The following C1orf116 variants were observed in gnomAD, a reference collection of about 807,000 sequenced individuals.
C1orf116 encodes the protein chromosome 1 open reading frame 116.
C1orf116 carries 12 observed loss-of-function variants against 14.1 expected under a neutral mutation model. That is an observed-to-expected ratio of 0.85 (90% CI 0.54 to 1.38). C1orf116 has a LOEUF of 1.38. Ranked by LOEUF, C1orf116 falls within the 40% of genes most tolerant of loss-of-function variation. C1orf116 has a pLI of 0.00. For synonymous variants in C1orf116, 296 were observed against 299.0 expected (o/e 0.99, Z 0.10); for missense variants, 797 against 747.0 (o/e 1.07, Z -0.78).
At chr1:207,031,201 T>G (rs2842728) in intron 1 of C1orf116, among the ~76,000 whole-genome samples, 1 of 152,116 alleles carries the variant, frequency 6.6e-6, no homozygotes, top group Non-Finnish European at 1.5e-5. Flanking sequence ...AATAGCAGAA[T>G]GACTAAAACT....
In C1orf116 at chr1:207,022,496, C is replaced by G; in HGVS notation, c.1268G>C (p.Gly423Ala). 1 of 1,614,126 alleles carries G rather than the reference C, an allele frequency of 6.2e-7. No homozygotes were observed. Among genetic ancestry groups the G allele is most frequent in the Non-Finnish European group, 8.5e-7 (1 of 1,180,006 alleles). ...AGCTGGAGACTTCATTGGCAAAGGT[C>G]CCTGAGCTGGACCTGGAGCTGGAGC... ...APAPAPGPAQGPLPMKSPAPG... is the reference protein window; with the variant it reads ...APAPAPGPAQAPLPMKSPAPG... The change falls in exon 4 of 4, where the codon GGA becomes GCA. Residue 423 changes from glycine (G) to alanine (A), a missense_variant. Coordinates refer to ENST00000359470, the MANE Select transcript of C1orf116 (RefSeq NM_023938.6).
In C1orf116 at chr1:207,022,900, G is replaced by A. The variant is rs1355588746; in HGVS notation, c.864C>T (p.Ser288=). 1.9e-6 allele frequency: 3 copies of A among 1,614,056 alleles called. No individual in the cohort carries two copies. Among genetic ancestry groups the A allele is most frequent in the South Asian group, 1.1e-5 (1 of 91,062 alleles). ...TAGGGGTTGTGAGGGGAGCTAGTCG[G>A]CTGTTTGGGTCCTCCCCTGATGAGA... ...APLSSGEDPN[S]RLAPLTTPKP... Residue 288 remains serine (S), a synonymous_variant, in exon 4 of 4, where the codon AGC becomes AGT. Coordinates refer to ENST00000359470, the MANE Select transcript of C1orf116 (RefSeq NM_023938.6).
rs796928185 is a variant in C1orf116 at position 207,018,993 on chromosome 1, T to C, written c.*2965A>G. The C allele has an allele frequency of 5.9e-5, 9 of 152,408 alleles. 1 individual carries two copies. Among genetic ancestry groups the C allele is most frequent in the African/African-American group, 2.2e-4 (9 of 41,556 alleles). The allele number at this position is 152,408 out of a possible 1,614,324, so 9.4% of individuals were successfully genotyped here. Reference sequence around the variant, plus strand: ...ACACCTCCAGCTCGAACTCAGAACATTGACAGGAACCTGCTCTTCAATCTT... The same window carrying C: ...ACACCTCCAGCTCGAACTCAGAACACTGACAGGAACCTGCTCTTCAATCTT... On this transcript the variant is annotated 3_prime_UTR_variant, in exon 4 of 4. Transcript: ENST00000359470.
At position 207,021,829 on chromosome 1, in the gene C1orf116, G is replaced by A; in HGVS notation, c.*129C>T. The A allele has an allele frequency of 2.2e-6, 2 of 897,616 alleles. No individual in the cohort carries two copies. The highest frequency in any genetic ancestry group is 4.6e-5 in the South Asian group (2 of 43,320). The allele number at this position is 897,616 out of a possible 1,614,324, so 55.6% of individuals were successfully genotyped here. On this transcript the variant is annotated 3_prime_UTR_variant, in exon 4 of 4. Coordinates refer to ENST00000359470, the MANE Select transcript of C1orf116 (RefSeq NM_023938.6). ...CAATGGCACAACACTGAATATAAAT[G>A]TATGCTTGGACTCAAATCTCTCCCT...
intron 2 of C1orf116, 65 bp from the exon 3 acceptor site, chr1:207,025,129 A>T (rs1264350523): frequency 8.7e-7 from 1 of 1,146,742 alleles, no homozygotes; most frequent in Admixed American, 2.1e-5. Context: ...GAAGAACAGG[A>T]GAGGGAGAGA....
chr1:207,027,343 G>C, intron 2 of C1orf116, 151 bp downstream of exon 2: 1 of 1,000,338 alleles, frequency 1.0e-6, no homozygotes. Context: ...GACTCAGGCA[G>C]AAAGCACCCA....
chr1:207,024,836 T>A, intron 3 of C1orf116, 51 bp downstream of exon 3: 1 of 1,580,630 alleles, frequency 6.3e-7, no homozygotes, highest in Non-Finnish European at 8.7e-7. Context: ...GGAGGGGACA[T>A]ATTGATTTTC....
At chr1:207,032,269 C>A (rs928204253) in intron 1 of C1orf116, among the ~76,000 whole-genome samples, 4 of 152,204 alleles carry the variant, frequency 2.6e-5, no homozygotes, top group Non-Finnish European at 4.4e-5. Flanking sequence ...TTCAATTGTT[C>A]AGAGATGGAA....
rs763098804 is a variant in C1orf116, at chr1:207,022,178, C to A, written c.1586G>T (p.Arg529Leu). ...TTTCCCCGTGCCCAGGGAGGCCGGG[C>A]GGGGCCGAGAATTACGTAAGACACT... Reference protein sequence around the residue: ...SPSVLRNSRPRPASLGTGKDF... With the variant: ...SPSVLRNSRPLPASLGTGKDF... Residue 529 changes from arginine to leucine, a missense_variant, in exon 4 of 4, where the codon CGC becomes CTC. Physicochemically the swap from Arg to Leu is moderately radical, Grantham distance 102. Coordinates refer to ENST00000359470, the MANE Select transcript of C1orf116 (RefSeq NM_023938.6). 6.2e-7 allele frequency: 1 copy of A among 1,613,476 alleles called. No homozygotes were observed. Among genetic ancestry groups the A allele is most frequent in the Non-Finnish European group, 8.5e-7 (1 of 1,179,516 alleles).
At position 207,023,248 on chromosome 1, in the gene C1orf116, C is replaced by A; in HGVS notation, c.516G>T (p.Gln172His). The A allele has an allele frequency of 6.2e-7, 1 of 1,613,162 alleles. No homozygotes were observed. Among genetic ancestry groups the A allele is most frequent in the South Asian group, 1.1e-5 (1 of 90,956 alleles). ...GRLAPEPEKE[Q>H]VSQSSQPRQA... ...GCCTGGGTTGGCTGCTCTGGCTGAC[C>A]TGTTCTTTCTCAGGCTCTGGCGCAA... The change falls in exon 4 of 4, where the codon CAG becomes CAT. Residue 172 changes from glutamine to histidine, a missense_variant. Gln to His is a conservative substitution (Grantham distance 24, BLOSUM62 0). Coordinates refer to ENST00000359470, the MANE Select transcript of C1orf116 (RefSeq NM_023938.6).
At position 207,022,782 on chromosome 1, in the gene C1orf116, C is replaced by G. The variant is rs1414337405; in HGVS notation, c.982G>C (p.Ala328Pro). Reference protein sequence around the residue: ...PQHWLSRHTEAAPGDSGLISC... With the variant: ...PQHWLSRHTEPAPGDSGLISC... ...ATCAGGCCAGAATCTCCAGGGGCAG[C>G]CTCAGTGTGGCGGGACAGCCAGTGC... Residue 328 changes from alanine to proline, a missense_variant, in exon 4 of 4, where the codon GCT (alanine) becomes CCT (proline). Transcript: ENST00000359470. The G allele has an allele frequency of 1.2e-6, 2 of 1,614,170 alleles. No homozygotes were observed. The highest frequency in any genetic ancestry group is 1.7e-6 in the Non-Finnish European group (2 of 1,180,020).
Position 207,022,051 on chromosome 1 carries a change from G to A in C1orf116, c.1713C>T (p.Arg571=), listed in dbSNP as rs960868145. The part of the protein sequence containing the change: ...YQGQSRDKLP[R]PPCVSVKISP... ...AGATCTTGACACTGACACAGGGGGG[G>A]CGAGGAAGCTTGTCACGGCTCTGTC... The change falls in exon 4 of 4, where the codon CGC becomes CGT. Residue 571 remains arginine (R), a synonymous_variant. Transcript: ENST00000359470. The A allele has an allele frequency of 1.1e-5, 17 of 1,604,334 alleles. No individual in the cohort carries two copies. The highest frequency in any genetic ancestry group is 2.7e-5 in the African/African-American group (2 of 74,524).
intron 2 of C1orf116, 48 bp downstream of exon 2, chr1:207,027,446 A>T (rs760985236): frequency 6.2e-7 from 1 of 1,602,948 alleles, no homozygotes; most frequent in Non-Finnish European, 8.5e-7. Context: ...AGGGCAGGGC[A>T]GGTGTGCAGA....
At position 207,022,750 on chromosome 1, in the gene C1orf116, A is replaced by C. The variant is rs756269498; in HGVS notation, c.1014T>G (p.Cys338Trp). 3.7e-6 allele frequency: 6 copies of C among 1,614,182 alleles called. No homozygotes were observed. The highest frequency in any genetic ancestry group is 4.2e-6 in the Non-Finnish European group (5 of 1,180,018). Residue 338 changes from cysteine (C) to tryptophan (W), a missense_variant, in exon 4 of 4, where the codon TGT (cysteine) becomes TGG (tryptophan). Transcript: ENST00000359470. ...AAPGDSGLIS[C>W]SLQEQRKARK... ...GTGCTTTTCTCTGCTCTTGCAGTGA[A>C]CAGGAGATCAGGCCAGAATCTCCAG...
chr1:207,023,589 C>G, intron 3 of C1orf116, 109 bp from the exon 4 acceptor site: 1 of 1,412,420 alleles, frequency 7.1e-7, no homozygotes, highest in South Asian at 1.6e-5. Context: ...TGATCCCAAA[C>G]TAGCAATGAA....
Position 207,022,015 on chromosome 1 carries a change from A to T in C1orf116, c.1749T>A (p.Gly583=). 6.4e-7 allele frequency: 1 copy of T among 1,564,618 alleles called. No individual in the cohort carries two copies. Among genetic ancestry groups the T allele is most frequent in the Non-Finnish European group, 8.6e-7 (1 of 1,159,268 alleles). ...CCTCCCTTCTGTGTTCATTGGGGAC[A>T]CCCTTTGGGGAGATCTTGACACTGA... ...PCVSVKISPK[G]VPNEHRREAL... The change falls in exon 4 of 4, where the codon GGT becomes GGA. Residue 583 remains glycine (G), a synonymous_variant. Coordinates refer to ENST00000359470, the MANE Select transcript of C1orf116 (RefSeq NM_023938.6).
At chr1:207,030,666 T>C (rs1370213129) in intron 1 of C1orf116, among the ~76,000 whole-genome samples, 2 of 152,178 alleles carry the variant, frequency 1.3e-5, no homozygotes, top group Non-Finnish European at 2.9e-5. Context: ...GCATTTCCTT[T>C]CACCGACTTC....
At chr1:207,028,186 T>C (rs1682140740) in intron 1 of C1orf116, among the ~76,000 whole-genome samples, 1 of 152,200 alleles carries the variant, frequency 6.6e-6, no homozygotes, top group South Asian at 2.1e-4. Flanking sequence ...CATGAGTCAA[T>C]AATTAACTAT....
In C1orf116 at chr1:207,022,040, A is replaced by G. The variant is rs1215553524; in HGVS notation, c.1724T>C (p.Val575Ala). The change falls in exon 4 of 4, where the codon GTC becomes GCC. Residue 575 changes from valine (V) to alanine (A), a missense_variant. Transcript: ENST00000359470. The part of the protein sequence containing the change: ...SRDKLPRPPC[V>A]SVKISPKGVP... ...ACCCTTTGGGGAGATCTTGACACTGACACAGGGGGGGCGAGGAAGCTTGTC... is the reference window on the plus strand; with the variant it reads ...ACCCTTTGGGGAGATCTTGACACTGGCACAGGGGGGGCGAGGAAGCTTGTC... The G allele has an allele frequency of 1.3e-6, 2 of 1,598,232 alleles. No individual in the cohort carries two copies. The highest frequency in any genetic ancestry group is 2.3e-5 in the South Asian group (2 of 87,808).
Sources: gnomAD v4.1 joint callset for allele counts (sites outside exome capture counted in the v4.1 genomes callset) on GRCh38, gnomAD v4.1.1 for gene constraint, MANE v1.5 for transcripts, NCBI Gene and HGNC (gene_info 2026-07-23, HGNC 2026-07-21) for gene names.